Variants in MRPL9 observed in about 807,000 individuals in gnomAD.
MRPL9 encodes the protein mitochondrial ribosomal protein L9, also known as large ribosomal subunit protein bL9m.
Under a neutral mutation model 27.6 loss-of-function variants are expected in MRPL9, and 25 were observed. The observed-to-expected ratio is 0.91, with a 90% CI of 0.66 to 1.27. The LOEUF (loss-of-function observed/expected upper bound fraction) is 1.27, where lower values mean the gene tolerates loss of function less well. Ranked by LOEUF, MRPL9 falls within the 50% of genes most tolerant of loss-of-function variation. The probability of loss-of-function intolerance (pLI) is 0.00; values close to 1 mark genes in which losing one functional copy is unlikely to be tolerated. For missense variants in MRPL9, 362 were observed against 338.0 expected (o/e 1.07, Z -0.56); for synonymous variants, 154 against 139.0 (o/e 1.11, Z -0.76).
rs1438342365 is a variant in MRPL9 at position 151,763,123 on chromosome 1, C to T, written c.177G>A (p.Trp59Ter). The T allele has an allele frequency of 1.2e-6, 2 of 1,613,770 alleles. No individual in the cohort carries two copies. The highest frequency in any genetic ancestry group is 1.3e-5 in the African/African-American group (1 of 74,938). Residue 59 changes from tryptophan (W) to a stop codon, truncating the protein, a stop_gained, in exon 2 of 7, where the codon TGG becomes TGA. Transcript: ENST00000368830. LOFTEE classifies it high-confidence loss of function. ...CCTCCCCGGCCAGCGGTACCTTCCA[C>T]CAGCGCTCCACGATGACCGTGCCCT... is the stretch of plus-strand genomic sequence containing the variant. ...QNRGTVIVER[W>*]WKVPLAGEGR...
At position 151,763,068 on chromosome 1, in the gene MRPL9, G is replaced by A; in HGVS notation, c.232C>T (p.Arg78Cys). The change falls in exon 2 of 7, where the codon CGC becomes TGC. Residue 78 changes from arginine (R) to cysteine (C), a missense_variant. Coordinates refer to ENST00000368830, the MANE Select transcript of MRPL9 (RefSeq NM_031420.4). ...GRKPRLHRRH[R>C]VYKLVEDTKH... Reference sequence around the variant, plus strand: ...GTGTCCTCCACCAGCTTATAGACGCGATGTCGCCGGTGCAGGCGCGGCTTC... The same window carrying A: ...GTGTCCTCCACCAGCTTATAGACGCAATGTCGCCGGTGCAGGCGCGGCTTC... 6.2e-7 allele frequency: 1 copy of A among 1,614,106 alleles called. No individual in the cohort carries two copies. Among genetic ancestry groups the A allele is most frequent in the Non-Finnish European group, 8.5e-7 (1 of 1,180,000 alleles).
intron 5 of MRPL9, among the ~76,000 whole-genome samples, 199 bp from the exon 6 acceptor site, chr1:151,761,098 G>A (rs1011954813): frequency 6.6e-6 from 1 of 152,154 alleles, no homozygotes; most frequent in Non-Finnish European, 1.5e-5. Flanking sequence ...ATTCAATTCT[G>A]ATTTCTCAGA....
At chr1:151,763,297 T>C (rs1374331497) in intron 1 of MRPL9, 30 bp downstream of exon 1, 3 of 1,585,188 alleles carry the variant, frequency 1.9e-6, no homozygotes, top group Non-Finnish European at 2.6e-6. Flanking sequence ...CTCGAGCGTA[T>C]CTACCCCCTA....
Position 151,762,441 on chromosome 1 carries a change from G to C in MRPL9, c.370C>G (p.Leu124Val), listed in dbSNP as rs1451484760. 3.1e-6 allele frequency: 5 copies of C among 1,614,066 alleles called. No individual in the cohort carries two copies. The highest frequency in any genetic ancestry group is 4.2e-6 in the Non-Finnish European group (5 of 1,180,022). ...VKKSLGRNRL[L>V]PQGLAVYASP... ...GCATATACAGCCAGTCCCTGAGGAA[G>C]GAGTCGATTCCGGCCTAAAGATTTC... Residue 124 changes from leucine to valine, a missense_variant, in exon 3 of 7, where the codon CTT (leucine) becomes GTT (valine). Leu to Val is a conservative substitution (Grantham distance 32, BLOSUM62 1). Coordinates refer to ENST00000368830, the MANE Select transcript of MRPL9 (RefSeq NM_031420.4).
At chr1:151,762,920 G>C in intron 2 of MRPL9, 70 bp downstream of exon 2, 1 of 1,540,324 alleles carries the variant, frequency 6.5e-7, no homozygotes, top group Non-Finnish European at 8.8e-7. Context: ...ATAGTTGAGG[G>C]GGACGGGCTA....
intron 3 of MRPL9, 96 bp downstream of exon 3, chr1:151,762,280 T>G (rs1648124898): frequency 1.9e-6 from 3 of 1,588,110 alleles, no homozygotes; most frequent in Non-Finnish European, 2.6e-6. Flanking sequence ...AGTTCCTATT[T>G]CATTTTCAAG....
Position 151,761,873 on chromosome 1 carries a change from G to A in MRPL9, c.486+232C>T, listed in dbSNP as rs1019111170. The A allele has an allele frequency of 6.7e-6, 4 of 599,298 alleles. No individual in the cohort carries two copies. In the African/African-American group the frequency reaches 7.4e-5, roughly 11 times the overall value. The allele number at this position is 599,298 out of a possible 1,614,324, so 37.1% of individuals were successfully genotyped here. On this transcript the variant is annotated intron_variant, in intron 4 of 6. Transcript: ENST00000368830. ...GAGCCCTCATCTCAGACTATTCCAT[G>A]GGTTCCCTGATTCCCAGATTGGGAC... is the stretch of plus-strand genomic sequence containing the variant.
In MRPL9 at chr1:151,760,902, G is replaced by GAAAA. The variant is rs751821803; in HGVS notation, c.589-4_589-3insTTTT. On this transcript the variant is annotated splice_polypyrimidine_tract_variant and splice_region_variant and intron_variant, in intron 5 of 6. Coordinates refer to ENST00000368830, the MANE Select transcript of MRPL9 (RefSeq NM_031420.4). ...TGTGGGGCAACCACAACACCAAGCT[G>GAAAA]CAAAAAAAAAAAAAAAAAAAAAAAT... is the stretch of plus-strand genomic sequence containing the variant. 14 of 1,021,672 alleles carry GAAAA rather than the reference G, an allele frequency of 1.4e-5. No individual in the cohort carries two copies. The highest frequency in any genetic ancestry group is 3.1e-5 in the East Asian group (1 of 32,196). The allele number at this position is 1,021,672 out of a possible 1,614,324, so 63.3% of individuals were successfully genotyped here.
intron 4 of MRPL9, 99 bp downstream of exon 4, chr1:151,762,004 CTT>C: frequency 8.5e-7 from 1 of 1,182,900 alleles, no homozygotes; most frequent in Non-Finnish European, 1.3e-6. Context: ...TTCTCCCACT[CTT>C]GGGTCTGCAA....
chr1:151,761,985 A>ACTT, intron 4 of MRPL9, 120 bp downstream of exon 4: 1 of 1,000,568 alleles, frequency 1.0e-6, no homozygotes, highest in Non-Finnish European at 1.6e-6. Context: ...CAGCCACAAC[A>ACTT]CTTCCCCTTT....
Position 151,763,043 on chromosome 1 carries a change from G to A in MRPL9, c.257C>T (p.Thr86Met). 3 of 1,614,166 alleles carry A rather than the reference G, an allele frequency of 1.9e-6. No homozygotes were observed. The highest frequency in any genetic ancestry group is 1.6e-4 in the Middle Eastern group (1 of 6,062). Reference sequence around the variant, plus strand: ...CAGGTTTTCTTTGGGCCGATGCTTCGTGTCCTCCACCAGCTTATAGACGCG... The same window carrying A: ...CAGGTTTTCTTTGGGCCGATGCTTCATGTCCTCCACCAGCTTATAGACGCG... ...RHRVYKLVEDTKHRPKENLEL... is the reference protein window; with the variant it reads ...RHRVYKLVEDMKHRPKENLEL... Residue 86 changes from threonine (T) to methionine (M), a missense_variant, in exon 2 of 7, where the codon ACG becomes ATG. Thr to Met is a moderately conservative substitution (Grantham distance 81, BLOSUM62 -1). Coordinates refer to ENST00000368830, the MANE Select transcript of MRPL9 (RefSeq NM_031420.4).
In MRPL9 at chr1:151,763,383, G is replaced by A; in HGVS notation, c.97C>T (p.Arg33Ter). Residue 33 changes from arginine to a stop codon, truncating the protein, a stop_gained, in exon 1 of 7, where the codon CGA becomes TGA. Coordinates refer to ENST00000368830, the MANE Select transcript of MRPL9 (RefSeq NM_031420.4). LOFTEE classifies it high-confidence loss of function. ...RGGVQELLRPRHEGNAPDLAC... is the reference protein window; with the variant it reads ...RGGVQELLRP ...AGGTCAGGGGCGTTCCCTTCATGTCGCGGCCGCAGTAGCTCCTGGACGCCT... is the reference window on the plus strand; with the variant it reads ...AGGTCAGGGGCGTTCCCTTCATGTCACGGCCGCAGTAGCTCCTGGACGCCT... The A allele has an allele frequency of 6.4e-7, 1 of 1,569,430 alleles. No homozygotes were observed. Among genetic ancestry groups the A allele is most frequent in the South Asian group, 1.2e-5 (1 of 85,868 alleles).
chr1:151,762,713 G>A, intron 2 of MRPL9: 1 of 648,294 alleles, frequency 1.5e-6, no homozygotes, highest in African/African-American at 1.8e-5. Flanking sequence ...TATAGAGGGA[G>A]TTGTCGTCCC....
rs746048814 is a variant in MRPL9 at position 151,763,102 on chromosome 1, C to A, written c.198G>T (p.Gly66=). The A allele has an allele frequency of 6.2e-7, 1 of 1,614,074 alleles. No individual in the cohort carries two copies. Among genetic ancestry groups the A allele is most frequent in the East Asian group, 2.2e-5 (1 of 44,866 alleles). The change falls in exon 2 of 7, where the codon GGG becomes GGT. Residue 66 remains glycine, a synonymous_variant. Coordinates refer to ENST00000368830, the MANE Select transcript of MRPL9 (RefSeq NM_031420.4). ...VERWWKVPLA[G]EGRKPRLHRR... is the part of the protein sequence containing the mutation. ...GGTGCAGGCGCGGCTTCCGGCCCTC[C>A]CCGGCCAGCGGTACCTTCCACCAGC...
rs762832011 is a variant in MRPL9 at position 151,761,533 on chromosome 1, CT to C, written c.505del (p.Ser169AlafsTer6). The C allele has an allele frequency of 1.9e-6, 3 of 1,613,434 alleles. No homozygotes were observed. The South Asian group carries it at 3.3e-5, about 18-fold the overall frequency. ...AGEATVKFLKSCRLEVGMKNN... is the reference protein window; with the variant it reads ...AGEATVKFLKXCRLEVGMKNN... ...CTTCATCCCTACCTCCAGGCGACAG[CT>C]TTTTAGAAATTTCACTGTCTGAAAG... is the stretch of plus-strand genomic sequence containing the variant. On this transcript the variant is annotated frameshift_variant, in exon 5 of 7. Transcript: ENST00000368830. LOFTEE classifies it high-confidence loss of function.
chr1:151,762,135 TA>T lies in MRPL9; in HGVS notation c.455del (p.Leu152Ter), dbSNP rs779564826. 22 of 1,614,108 alleles carry T rather than the reference TA, an allele frequency of 1.4e-5. No individual in the cohort carries two copies. In the South Asian group the frequency reaches 2.4e-4, roughly 18 times the overall value. On this transcript the variant is annotated frameshift_variant, in exon 4 of 7. Transcript: ENST00000368830. LOFTEE classifies it high-confidence loss of function. Reference protein sequence around the residue: ...EEKLLRQEGKLEKIQTKAGEA... With the variant: ...EEKLLRQEGKXEKIQTKAGEA... ...CACCTGCCTTGGTCTGGATCTTCTCTAATTTTCCTTCTTGTCTCAGCTAGAA... is the reference window on the plus strand; with the variant it reads ...CACCTGCCTTGGTCTGGATCTTCTCTATTTTCCTTCTTGTCTCAGCTAGAA...
rs1339140749 is a variant in MRPL9, at chr1:151,763,483, C to T, written c.-4G>A. 1 of 1,571,976 alleles carries T rather than the reference C, an allele frequency of 6.4e-7. No individual in the cohort carries two copies. The highest frequency in any genetic ancestry group is 1.9e-5 in the Admixed American group (1 of 53,424). On this transcript the variant is annotated 5_prime_UTR_variant, in exon 1 of 7. Transcript: ENST00000368830. ...CCGTGACAACGGGCGCCGCCATGTTCACAGGCACAGAATGAGACCTGAGGG... is the reference window on the plus strand; with the variant it reads ...CCGTGACAACGGGCGCCGCCATGTTTACAGGCACAGAATGAGACCTGAGGG...
At chr1:151,761,699 G>T in intron 4 of MRPL9, 147 bp from the exon 5 acceptor site, 2 of 623,594 alleles carry the variant, frequency 3.2e-6, no homozygotes, top group Non-Finnish European at 5.6e-6. Flanking sequence ...TTCAGCCCAG[G>T]AGTTTGAAAC....
chr1:151,762,613 G>A, intron 2 of MRPL9, 113 bp from the exon 3 acceptor site: 1 of 1,105,014 alleles, frequency 9.0e-7, no homozygotes, highest in Non-Finnish European at 1.3e-6. Context: ...TTTCCTAAAA[G>A]AAATGCTAAT....
Sources: allele counts gnomAD v4.1 joint callset (sites outside exome capture counted in the v4.1 genomes callset), GRCh38; gene constraint gnomAD v4.1.1; transcripts MANE v1.5; gene names NCBI Gene and HGNC (gene_info 2026-07-23, HGNC 2026-07-21).